The following AP1B1 variants were observed in gnomAD, a reference collection of about 807,000 sequenced individuals.
AP1B1 encodes the protein AP-1 complex subunit beta-1.
AP1B1 carries 36 observed loss-of-function variants against 104.3 expected under a neutral mutation model. That is an observed-to-expected ratio of 0.35 (90% CI 0.26 to 0.46). The LOEUF (loss-of-function observed/expected upper bound fraction) is 0.46, where lower values mean the gene tolerates loss of function less well. AP1B1 is among the 20% of genes least tolerant of loss of function. The pLI is 1.00. For synonymous variants in AP1B1, 504 were observed against 517.5 expected (o/e 0.97, Z 0.35); for missense variants, 901 against 1,247.9 (o/e 0.72, Z 4.19).
At chr22:29,366,833 G>GACACACACACACAC (rs200885223) in intron 2 of AP1B1, among the ~76,000 whole-genome samples, 30 of 131,402 alleles carry the variant, frequency 2.3e-4, no homozygotes, top group South Asian at 1.1e-3. Flanking sequence ...CTTGGATAAG[G>GACACACACACACAC]ACACACACAC....
chr22:29,369,319 G>C (rs1408171906), intron 1 of AP1B1, among the ~76,000 whole-genome samples: 1 of 152,108 alleles, frequency 6.6e-6, no homozygotes. Context: ...GACACCCATA[G>C]ATTTTGTTTC....
At chr22:29,387,863 G>A (rs968787203) in intron 1 of AP1B1, among the ~76,000 whole-genome samples, 4 of 152,242 alleles carry the variant, frequency 2.6e-5, no homozygotes, top group Non-Finnish European at 5.9e-5. Context: ...CCGGTACACA[G>A]AAGGGACTCG....
intron 3 of AP1B1, among the ~76,000 whole-genome samples, chr22:29,360,608 T>C: frequency 6.6e-6 from 1 of 152,200 alleles, no homozygotes; most frequent in East Asian, 1.9e-4. Context: ...GAGCTTTACA[T>C]GCTTGATCTC....
At chr22:29,334,868 C>T (rs553723383) in intron 16 of AP1B1, among the ~76,000 whole-genome samples, 180 of 152,356 alleles carry the variant, frequency 1.2e-3, no homozygotes, top group African/African-American at 4.0e-3. Context: ...TCCTCCCTTG[C>T]AGGAGGCAGG....
At chr22:29,367,990 C>T (rs139523682) in intron 1 of AP1B1, among the ~76,000 whole-genome samples, 120 of 152,210 alleles carry the variant, frequency 7.9e-4, no homozygotes, top group Non-Finnish European at 1.5e-3. Context: ...AAGCTCACAG[C>T]GTGAAGTACT....
chr22:29,360,103 C>A, intron 3 of AP1B1, 144 bp from the exon 4 acceptor site: 1 of 859,838 alleles, frequency 1.2e-6, no homozygotes. Context: ...GGGAGGGTTT[C>A]AGGTCTGCTG....
intron 11 of AP1B1, among the ~76,000 whole-genome samples, chr22:29,345,257 T>G (rs903130801): frequency 6.8e-6 from 1 of 148,042 alleles, no homozygotes; most frequent in Non-Finnish European, 1.5e-5. Context: ...GAGGTCTCAC[T>G]ATGTTGCCCA....
At chr22:29,338,869 C>T in intron 16 of AP1B1, 121 bp downstream of exon 16, 2 of 1,398,794 alleles carry the variant, frequency 1.4e-6, no homozygotes, top group Middle Eastern at 1.9e-4. Context: ...CTGTGGCCCC[C>T]AGCTTCCCTC....
At chr22:29,344,387 A>G (rs2061758213) in intron 11 of AP1B1, among the ~76,000 whole-genome samples, 1 of 151,898 alleles carries the variant, frequency 6.6e-6, no homozygotes, top group South Asian at 2.1e-4. Flanking sequence ...CACGCTCAAC[A>G]CACTCAGGCC....
rs773308076 is a variant in AP1B1 at position 29,340,776 on chromosome 22, G to A, written c.1878C>T (p.Gly626=). Residue 626 remains glycine (G), a synonymous_variant, in exon 14 of 23, where the codon GGC becomes GGT. Coordinates refer to ENST00000357586, the MANE Select transcript of AP1B1 (RefSeq NM_001127.4). ...GGTTGAGGAGGTCACCCAGCAGGTC[G>A]CCCTGGGCGGGGATGACATCTGGCT... ...GEQPDVIPAQ[G]DLLGDLLNLD... is the part of the protein sequence containing the mutation. 4.6e-5 allele frequency: 73 copies of A among 1,599,764 alleles called. No homozygotes were observed. The highest frequency in any genetic ancestry group is 3.3e-4 in the South Asian group (29 of 87,698).
chr22:29,340,062 C>T (rs555692872), intron 14 of AP1B1, among the ~76,000 whole-genome samples: 33 of 152,124 alleles, frequency 2.2e-4, no homozygotes, highest in Non-Finnish European at 1.8e-4. Context: ...TGCCACCGTG[C>T]GGACCTGAGC....
rs545067625 is a variant in AP1B1, at chr22:29,340,923, C to A, written c.1797-66G>T. On this transcript the variant is annotated intron_variant, in intron 13 of 22. Coordinates refer to ENST00000357586, the MANE Select transcript of AP1B1 (RefSeq NM_001127.4). The stretch of plus-strand genomic sequence containing the variant: ...TCAGGAAGGTCAAAGAGACCCCAGC[C>A]TCCAGGCAGAGCTGTCCCCCAGGAC... 3.5e-5 allele frequency: 52 copies of A among 1,489,894 alleles called. No individual in the cohort carries two copies. The Admixed American group carries it at 1.0e-3, about 29-fold the overall frequency. The allele number at this position is 1,489,894 out of a possible 1,614,324, so 92.3% of individuals were successfully genotyped here.
At chr22:29,364,854 G>A (rs754155122) in intron 2 of AP1B1, among the ~76,000 whole-genome samples, 36 of 151,758 alleles carry the variant, frequency 2.4e-4, no homozygotes, top group Admixed American at 4.6e-4. Flanking sequence ...AACTATAGGC[G>A]GACACCATCA....
intron 8 of AP1B1, 195 bp downstream of exon 8, chr22:29,351,510 C>T (rs2061874201): frequency 2.3e-6 from 2 of 862,556 alleles, no homozygotes; most frequent in East Asian, 5.4e-5. Flanking sequence ...CAGGTGATAA[C>T]ATGGAGAAAC....
chr22:29,331,928 G>A lies in AP1B1; in HGVS notation c.2310-12C>T, dbSNP rs1167914531. 4 of 1,604,786 alleles carry A rather than the reference G, an allele frequency of 2.5e-6. No individual in the cohort carries two copies. The highest frequency in any genetic ancestry group is 1.3e-5 in the African/African-American group (1 of 74,788). On this transcript the variant is annotated splice_polypyrimidine_tract_variant and intron_variant, in intron 17 of 22. Coordinates refer to ENST00000357586, the MANE Select transcript of AP1B1 (RefSeq NM_001127.4). The stretch of plus-strand genomic sequence containing the variant: ...GGGCCAGGCCAAAGCTGGGGAGAGA[G>A]AAGCCCCACAGGGATGGCAGGGGGA...
At chr22:29,335,998 G>C (rs559871735) in intron 16 of AP1B1, among the ~76,000 whole-genome samples, 184 of 152,292 alleles carry the variant, frequency 1.2e-3, no homozygotes, top group Non-Finnish European at 2.1e-3. Flanking sequence ...CCCTCTCTCA[G>C]TCGCCCAAGG....
At chr22:29,367,552 G>A (rs1187041841) in intron 1 of AP1B1, among the ~76,000 whole-genome samples, 4 of 147,268 alleles carry the variant, frequency 2.7e-5, no homozygotes, top group Non-Finnish European at 5.9e-5. Context: ...CTCCTGCCTC[G>A]GCCTCCCAAA....
At chr22:29,360,010 G>A in intron 3 of AP1B1, 51 bp from the exon 4 acceptor site, 5 of 1,585,016 alleles carry the variant, frequency 3.2e-6, no homozygotes, top group Middle Eastern at 1.7e-4. Flanking sequence ...AAAGGAAGAG[G>A]AAGATTTTCA....
At chr22:29,333,501 TC>T (rs1195758004) in intron 17 of AP1B1, among the ~76,000 whole-genome samples, 2 of 152,146 alleles carry the variant, frequency 1.3e-5, no homozygotes, top group East Asian at 1.9e-4. Flanking sequence ...GGTGGGCTTC[TC>T]AGCTGGAGCA....
Sources: allele counts gnomAD v4.1 joint callset (sites outside exome capture counted in the v4.1 genomes callset), GRCh38; gene constraint gnomAD v4.1.1; transcripts MANE v1.5; gene names NCBI Gene and HGNC (gene_info 2026-07-23, HGNC 2026-07-21).